Variants in KLF3 observed in about 807,000 individuals in gnomAD.
The protein encoded by KLF3 is Krueppel-like factor 3.
KLF3 carries 6 observed loss-of-function variants against 32.7 expected under a neutral mutation model. The observed-to-expected ratio is 0.18, with a 90% CI of 0.10 to 0.36. The LOEUF is 0.36. Ranked by LOEUF, KLF3 falls within the 10% of genes least tolerant of loss-of-function variation. KLF3 has a pLI of 1.00. For synonymous variants in KLF3, 145 were observed against 172.8 expected (o/e 0.84, Z 1.26); for missense variants, 338 against 449.7 (o/e 0.75, Z 2.25).
chr4:38,670,143 T>G (rs1350010457), intron 1 of KLF3, among the ~76,000 whole-genome samples: 1 of 152,120 alleles, frequency 6.6e-6, no homozygotes, highest in African/African-American at 2.4e-5. Context: ...ATCTAATTAT[T>G]TAGAAGGGCT....
chr4:38,690,358 G>A (rs1395873493), intron 4 of KLF3: 9 of 153,132 alleles, frequency 5.9e-5, no homozygotes, highest in Admixed American at 5.9e-4. Flanking sequence ...CCTGAATGGT[G>A]GTTTCTTGTA....
intron 5 of KLF3, 140 bp downstream of exon 5, chr4:38,695,046 GT>G (rs1723007986): frequency 1.4e-6 from 1 of 736,614 alleles, no homozygotes; most frequent in African/African-American, 1.9e-5. Flanking sequence ...CAGATTAGTT[GT>G]GCAGAATGAA....
chr4:38,692,082 A>G (rs1180825471), intron 4 of KLF3, among the ~76,000 whole-genome samples: 1 of 152,208 alleles, frequency 6.6e-6, no homozygotes, highest in Non-Finnish European at 1.5e-5. Flanking sequence ...TTTGTTCTAA[A>G]TATACAAAAC....
chr4:38,693,122 ATATATACGTGTATATATATGTG>A (rs1722932504), intron 4 of KLF3, among the ~76,000 whole-genome samples: 1 of 131,902 alleles, frequency 7.6e-6, no homozygotes, highest in Admixed American at 8.4e-5. Flanking sequence ...ATATACATAT[ATATATACGTGTATATATATGTG>A]TATATATATA....
At chr4:38,677,560 G>A (rs1201896280) in intron 1 of KLF3, among the ~76,000 whole-genome samples, 6 of 152,192 alleles carry the variant, frequency 3.9e-5, no homozygotes, top group East Asian at 1.9e-4. Context: ...ATTAGTGGTC[G>A]TAAAGCGTGC....
Position 38,697,077 on chromosome 4 carries a change from T to G in KLF3, c.857-5T>G, listed in dbSNP as rs765785408. 2.5e-6 allele frequency: 4 copies of G among 1,571,772 alleles called. No individual in the cohort carries two copies. In the East Asian group the frequency reaches 9.0e-5, roughly 35 times the overall value. ...AAAATAGCTCTTTTCTTTTTCCTTT[T>G]GCAGGAGAAAAACCCTACAAATGTA... is the stretch of plus-strand genomic sequence containing the variant. On this transcript the variant is annotated splice_polypyrimidine_tract_variant and splice_region_variant and intron_variant, in intron 5 of 5. Transcript: ENST00000261438.
rs192015613 is a variant in KLF3 at position 38,676,486 on chromosome 4, G to C, written c.-39-4101G>C. On this transcript the variant is annotated intron_variant, in intron 1 of 5. Transcript: ENST00000261438. ...TAATAAACTTTAAAAATAGAACACA[G>C]ATGTGTAGAAAGCTGTCCCACCCAC... 2.8e-3 allele frequency among the ~76,000 whole-genome samples: 422 copies of C among 152,198 alleles called. 2 individuals carry two copies. The highest frequency in any genetic ancestry group is 9.8e-3 in the African/African-American group (409 of 41,538).
chr4:38,689,063 G>A lies in KLF3; in HGVS notation c.536G>A (p.Ser179Asn), dbSNP rs767398463. 3 of 1,612,924 alleles carry A rather than the reference G, an allele frequency of 1.9e-6. No individual in the cohort carries two copies. The highest frequency in any genetic ancestry group is 2.5e-6 in the Non-Finnish European group (3 of 1,179,002). Residue 179 changes from serine to asparagine, a missense_variant, in exon 3 of 6, where the codon AGC (serine) becomes AAC (asparagine). Transcript: ENST00000261438. Reference sequence around the variant, plus strand: ...GAGGAGATGGAAAATTCCAGTAGTAGCATGCAAGGTAAATTCCGCCACTGC... The same window carrying A: ...GAGGAGATGGAAAATTCCAGTAGTAACATGCAAGGTAAATTCCGCCACTGC... ...LSEEMENSSSSMQVPVIESYE... is the reference protein window; with the variant it reads ...LSEEMENSSSNMQVPVIESYE...
At chr4:38,668,021 C>T (rs945711136) in intron 1 of KLF3, among the ~76,000 whole-genome samples, 43 of 152,312 alleles carry the variant, frequency 2.8e-4, no homozygotes, top group African/African-American at 1.0e-3. Context: ...ATTTCCAACC[C>T]GTTTTTAAGA....
intron 1 of KLF3, among the ~76,000 whole-genome samples, chr4:38,676,313 T>C (rs1177741983): frequency 6.6e-6 from 1 of 152,104 alleles, no homozygotes; most frequent in African/African-American, 2.4e-5. Flanking sequence ...TGGTGGTGCA[T>C]GCCTGTAATC....
chr4:38,683,980 A>T (rs1722613812), intron 2 of KLF3, among the ~76,000 whole-genome samples: 1 of 152,136 alleles, frequency 6.6e-6, no homozygotes, highest in South Asian at 2.1e-4. Flanking sequence ...GTGTGTTTAT[A>T]CACGCACCAT....
In KLF3 at chr4:38,694,926, C is replaced by T; in HGVS notation, c.856+20C>T. 2.5e-6 allele frequency: 4 copies of T among 1,570,568 alleles called. No homozygotes were observed. Among genetic ancestry groups the T allele is most frequent in the East Asian group, 4.7e-5 (2 of 42,668 alleles). ...ACACAGGTAATAGAAACACCAGACCCACTTCATCTTTCTTCTTAAGAAGTA... is the reference window on the plus strand; with the variant it reads ...ACACAGGTAATAGAAACACCAGACCTACTTCATCTTTCTTCTTAAGAAGTA... On this transcript the variant is annotated intron_variant, in intron 5 of 5. Transcript: ENST00000261438.
At position 38,700,354 on chromosome 4, in the gene KLF3, T is replaced by C. The variant is rs149636214; in HGVS notation, c.*3091T>C. On this transcript the variant is annotated 3_prime_UTR_variant, in exon 6 of 6. Transcript: ENST00000261438. ...GACTATTTTGCTGATACTGTATATA[T>C]GCGCATCATTCCTGATTAGATTGTT... is the stretch of plus-strand genomic sequence containing the variant. 7 of 152,370 alleles carry C rather than the reference T, an allele frequency of 4.6e-5. No individual in the cohort carries two copies. The highest frequency in any genetic ancestry group is 4.4e-5 in the Non-Finnish European group (3 of 68,034). The allele number at this position is 152,370 out of a possible 1,614,324, so 9.4% of individuals were successfully genotyped here. A position where few individuals can be genotyped will look rare whatever the true frequency, so the allele number is the denominator to read the frequency against.
At chr4:38,667,541 T>C (rs981320784) in intron 1 of KLF3, among the ~76,000 whole-genome samples, 3 of 152,340 alleles carry the variant, frequency 2.0e-5, no homozygotes, top group Middle Eastern at 3.4e-3. Flanking sequence ...TGCTTTTACC[T>C]TTTTAAATTT....
chr4:38,686,389 T>C (rs921190082), intron 2 of KLF3, among the ~76,000 whole-genome samples: 1 of 141,624 alleles, frequency 7.1e-6, no homozygotes, highest in African/African-American at 2.6e-5. Flanking sequence ...GAGGCTGCAG[T>C]GAGCTATGAT....
At chr4:38,665,205 C>T (rs550839570) in intron 1 of KLF3, among the ~76,000 whole-genome samples, 1 of 152,196 alleles carries the variant, frequency 6.6e-6, no homozygotes, top group South Asian at 2.1e-4. Flanking sequence ...GGAGAGTCTT[C>T]CTGGGGGCAT....
chr4:38,696,073 A>G lies in KLF3; in HGVS notation c.857-1009A>G, dbSNP rs141970426. On this transcript the variant is annotated intron_variant, in intron 5 of 5. Coordinates refer to ENST00000261438, the MANE Select transcript of KLF3 (RefSeq NM_016531.6). ...AACGCCCAAACAGCAGTGCAAATCGATGATTACTGAGGGCATCCTTGAGGC... is the reference window on the plus strand; with the variant it reads ...AACGCCCAAACAGCAGTGCAAATCGGTGATTACTGAGGGCATCCTTGAGGC... Among the ~76,000 whole-genome samples the G allele has an allele frequency of 5.3e-5, 8 of 150,840 alleles. No individual in the cohort carries two copies. The East Asian group carries it at 1.6e-3, about 30-fold the overall frequency.
intron 4 of KLF3, among the ~76,000 whole-genome samples, chr4:38,691,430 T>TA (rs2109254282): frequency 6.6e-6 from 1 of 152,328 alleles, no homozygotes; most frequent in Admixed American, 6.5e-5. Context: ...GGCCTGCACT[T>TA]ATAGTTGTTC....
Position 38,680,619 on chromosome 4 carries a change from T to G in KLF3, c.-7T>G. 5.6e-6 allele frequency: 9 copies of G among 1,612,232 alleles called. No homozygotes were observed. The highest frequency in any genetic ancestry group is 7.6e-6 in the Non-Finnish European group (9 of 1,178,284). On this transcript the variant is annotated 5_prime_UTR_variant, in exon 2 of 6. Coordinates refer to ENST00000261438, the MANE Select transcript of KLF3 (RefSeq NM_016531.6). ...ACCAGAGCACCCTAGAAGGTTTAACTAAAAGAATGCTCATGTTTGACCCAG... is the reference window on the plus strand; with the variant it reads ...ACCAGAGCACCCTAGAAGGTTTAACGAAAAGAATGCTCATGTTTGACCCAG...
Sources: gnomAD v4.1 joint callset for allele counts (sites outside exome capture counted in the v4.1 genomes callset) on GRCh38, gnomAD v4.1.1 for gene constraint, MANE v1.5 for transcripts, NCBI Gene and HGNC (gene_info 2026-07-23, HGNC 2026-07-21) for gene names.